ROBO2: variants seen among roughly 807,000 people sequenced by gnomAD.
ROBO2 encodes the protein roundabout guidance receptor 2, also known as roundabout homolog 2.
ROBO2 carries 53 observed loss-of-function variants against 160.8 expected under a neutral mutation model. That is an observed-to-expected ratio of 0.33 (90% CI 0.26 to 0.41). ROBO2 has a LOEUF of 0.41. Ranked by LOEUF, ROBO2 falls within the 10% of genes least tolerant of loss-of-function variation. The pLI is 1.00. For missense variants in ROBO2, 1,577 were observed against 1,722.4 expected, an observed-to-expected ratio of 0.92 and a Z score of 1.49; for synonymous variants, 664 against 611.7, an observed-to-expected ratio of 1.09 and a Z score of -1.26.
intron 2 of ROBO2, among the ~76,000 whole-genome samples, chr3:77,344,044 T>G (rs1416532135): frequency 6.6e-6 from 1 of 152,094 alleles, no homozygotes; most frequent in East Asian, 1.9e-4. Context: ...AATAAATGAT[T>G]AGTAAATAAG....
intron 2 of ROBO2, among the ~76,000 whole-genome samples, chr3:77,275,510 C>T (rs1397209783): frequency 6.6e-6 from 1 of 152,082 alleles, no homozygotes; most frequent in Non-Finnish European, 1.5e-5. Flanking sequence ...GTTACTCTGC[C>T]TCTTTAATTT....
chr3:76,455,279 T>C (rs1241983153), intron 2 of ROBO2, among the ~76,000 whole-genome samples: 2 of 152,094 alleles, frequency 1.3e-5, no homozygotes, highest in Non-Finnish European at 2.9e-5. Context: ...ATGTTTCGTT[T>C]TATCCAATGA....
intron 2 of ROBO2, among the ~76,000 whole-genome samples, chr3:76,946,948 T>A (rs1195126980): frequency 6.6e-6 from 1 of 152,252 alleles, no homozygotes; most frequent in Admixed American, 6.5e-5. Flanking sequence ...TTTCTTTCCG[T>A]AATGTCCAAT....
At chr3:76,538,297 C>T (rs2082625879) in intron 2 of ROBO2, among the ~76,000 whole-genome samples, 1 of 151,860 alleles carries the variant, frequency 6.6e-6, no homozygotes, top group African/African-American at 2.4e-5. Context: ...TTTATTTGTC[C>T]CTCTCCCTTC....
intron 2 of ROBO2, among the ~76,000 whole-genome samples, chr3:76,743,064 T>C (rs1576363181): frequency 6.6e-6 from 1 of 152,170 alleles, no homozygotes; most frequent in Non-Finnish European, 1.5e-5. Context: ...TATGGCGGCC[T>C]ACAGCAATTG....
intron 2 of ROBO2, among the ~76,000 whole-genome samples, chr3:76,055,621 CT>C (rs1156235393): frequency 6.6e-6 from 1 of 152,124 alleles, no homozygotes; most frequent in East Asian, 1.9e-4. Context: ...GGTTTGTTCA[CT>C]TAGGATTATA....
At chr3:77,361,783 GA>G (rs1415656931) in intron 2 of ROBO2, among the ~76,000 whole-genome samples, 1 of 152,148 alleles carries the variant, frequency 6.6e-6, no homozygotes, top group Admixed American at 6.6e-5. Context: ...GGAGGGACAT[GA>G]ACATTCAGAC....
chr3:76,257,237 A>AG (rs200251386), intron 2 of ROBO2, among the ~76,000 whole-genome samples: 1 of 152,324 alleles, frequency 6.6e-6, no homozygotes, highest in East Asian at 1.9e-4. Context: ...GCAATTGATC[A>AG]GAATACCTTT....
intron 2 of ROBO2, among the ~76,000 whole-genome samples, chr3:76,512,994 A>G (rs1051985135): frequency 6.6e-6 from 1 of 152,142 alleles, no homozygotes; most frequent in African/African-American, 2.4e-5. Context: ...AATTAAATAA[A>G]CCCAGAAATA....
At chr3:76,435,178 A>G in intron 2 of ROBO2, 1 of 1,090,340 alleles carries the variant, frequency 9.2e-7, no homozygotes, top group Non-Finnish European at 1.4e-6. Flanking sequence ...GAGATAATCA[A>G]CAGTAGGGAT....
chr3:77,483,865 G>T (rs2085003396), intron 4 of ROBO2, among the ~76,000 whole-genome samples: 1 of 150,850 alleles, frequency 6.6e-6, no homozygotes, highest in Admixed American at 6.6e-5. Context: ...GGAATAAAGG[G>T]TTTTTTCCAG....
chr3:76,012,066 A>T (rs895069019), intron 2 of ROBO2, among the ~76,000 whole-genome samples: 1 of 152,228 alleles, frequency 6.6e-6, no homozygotes, highest in Non-Finnish European at 1.5e-5. Flanking sequence ...CTCTTGCCAA[A>T]CAAGAAATGT....
intron 2 of ROBO2, among the ~76,000 whole-genome samples, chr3:76,748,023 G>T (rs2093921245): frequency 6.6e-6 from 1 of 151,312 alleles, no homozygotes; most frequent in Non-Finnish European, 1.5e-5. Context: ...GAGAGTTAAT[G>T]AACATAGTAA....
At chr3:77,098,384 T>C in intron 2 of ROBO2, 44 bp downstream of exon 2, 1 of 1,585,574 alleles carries the variant, frequency 6.3e-7, no homozygotes, top group Non-Finnish European at 8.7e-7. Flanking sequence ...TACTTTTATT[T>C]ATTTCAAGTA....
chr3:76,358,701 C>G (rs957823444), intron 2 of ROBO2, among the ~76,000 whole-genome samples: 5 of 151,974 alleles, frequency 3.3e-5, no homozygotes, highest in Non-Finnish European at 5.9e-5. Flanking sequence ...AAACATGAAA[C>G]TGTCTAGGTT....
chr3:76,434,941 C>T lies in ROBO2; in HGVS notation c.109+497339C>T, dbSNP rs1322492295. The T allele has an allele frequency of 3.1e-6, 5 of 1,599,924 alleles. No homozygotes were observed. In the Admixed American group the frequency reaches 5.0e-5, roughly 16 times the overall value. On this transcript the variant is annotated intron_variant, in intron 2 of 26. Transcript: ENST00000487694. ...CAAACCAGCCCATCCCCCAAACCAG[C>T]CACAAAGAAGGAGCCAGCTGTACTT...
At chr3:76,077,863 TG>T (rs200241915) in intron 2 of ROBO2, among the ~76,000 whole-genome samples, 2,330 of 152,262 alleles carry the variant, frequency 0.015, 58 homozygotes, top group African/African-American at 0.052. Flanking sequence ...TTAAGGAGAC[TG>T]TTCAAATTCT....
chr3:76,635,837 C>G (rs2090301017), intron 2 of ROBO2, among the ~76,000 whole-genome samples: 1 of 152,226 alleles, frequency 6.6e-6, no homozygotes, highest in Non-Finnish European at 1.5e-5. Context: ...TCCTAGAACA[C>G]TGACTTTGGC....
intron 2 of ROBO2, among the ~76,000 whole-genome samples, chr3:76,924,047 T>C (rs1454144766): frequency 6.6e-6 from 1 of 152,218 alleles, no homozygotes; most frequent in African/African-American, 2.4e-5. Flanking sequence ...TTTCCACTTC[T>C]CCGTGAATAA....
Sources: gnomAD v4.1 joint callset for allele counts (sites outside exome capture counted in the v4.1 genomes callset) on GRCh38, gnomAD v4.1.1 for gene constraint, MANE v1.5 for transcripts, NCBI Gene and HGNC (gene_info 2026-07-23, HGNC 2026-07-21) for gene names.